Variants in SMC5 observed in about 807,000 individuals in gnomAD.
The protein encoded by SMC5 is structural maintenance of chromosomes 5.
A neutral mutation model predicts 148.3 loss-of-function variants in SMC5; 88 were observed. That is an observed-to-expected ratio of 0.59 (90% confidence interval 0.50 to 0.71). The LOEUF (loss-of-function observed/expected upper bound fraction) is 0.71. SMC5 is among the 30% of genes least tolerant of loss of function. The pLI, the probability that SMC5 is intolerant of heterozygous loss-of-function variation, is 0.00. For missense variants in SMC5, 1,142 were observed against 1,298.9 expected, an observed-to-expected ratio of 0.88 and a Z score of 1.86; for synonymous variants, 421 against 432.8, an observed-to-expected ratio of 0.97 and a Z score of 0.34.
chr9:70,333,599 C>T (rs1018045176), intron 17 of SMC5, among the ~76,000 whole-genome samples: 2 of 152,124 alleles, frequency 1.3e-5, no homozygotes, highest in African/African-American at 4.8e-5. Flanking sequence ...GGCATGGTGG[C>T]ACATGCCTGT....
intron 17 of SMC5, among the ~76,000 whole-genome samples, chr9:70,336,588 AGAGGAGAGCCT>A (rs1587708564): frequency 6.6e-6 from 1 of 152,366 alleles, no homozygotes; most frequent in East Asian, 1.9e-4. Flanking sequence ...ACTAGCTACC[AGAGGAGAGCCT>A]CATCAGGGCT....
rs776201497 is a variant in SMC5 at position 70,286,171 on chromosome 9, C to T, written c.982-29C>T. 7 of 1,033,048 alleles carry T rather than the reference C, an allele frequency of 6.8e-6. No individual in the cohort carries two copies. The East Asian group carries it at 8.5e-5, about 12-fold the overall frequency. The allele number at this position is 1,033,048 out of a possible 1,614,324, so 64.0% of individuals were successfully genotyped here. On this transcript the variant is annotated intron_variant, in intron 7 of 24. Coordinates refer to ENST00000361138, the MANE Select transcript of SMC5 (RefSeq NM_015110.4). ...CTTGCATGAGTTTTTAACTAGCTGTCCCCCCCTCTCCCCGGTTTAATTTTA... is the reference window on the plus strand; with the variant it reads ...CTTGCATGAGTTTTTAACTAGCTGTTCCCCCCTCTCCCCGGTTTAATTTTA...
At chr9:70,298,260 G>C (rs1205058757) in intron 9 of SMC5, 39 bp downstream of exon 9, 1 of 1,572,140 alleles carries the variant, frequency 6.4e-7, no homozygotes, top group South Asian at 1.2e-5. Context: ...TTTATAAAAT[G>C]TAGATACATC....
intron 11 of SMC5, chr9:70,312,051 G>A (rs932389505): frequency 1.4e-5 from 2 of 146,748 alleles, no homozygotes; most frequent in Non-Finnish European, 1.5e-5. Flanking sequence ...AACCTGGGAG[G>A]CGGAGGTTGC....
At chr9:70,307,784 G>A (rs1406054872) in intron 11 of SMC5, among the ~76,000 whole-genome samples, 4 of 152,092 alleles carry the variant, frequency 2.6e-5, no homozygotes, top group East Asian at 1.9e-4. Context: ...GATTACAGAC[G>A]TGAACCACCA....
At chr9:70,333,780 C>A (rs1291023126) in intron 17 of SMC5, among the ~76,000 whole-genome samples, 1 of 152,002 alleles carries the variant, frequency 6.6e-6, no homozygotes, top group Non-Finnish European at 1.5e-5. Flanking sequence ...AGACTTGTAT[C>A]CTGAAAACTA....
At chr9:70,343,221 G>A (rs1310005524) in intron 17 of SMC5, among the ~76,000 whole-genome samples, 1 of 151,268 alleles carries the variant, frequency 6.6e-6, no homozygotes, top group African/African-American at 2.4e-5. Context: ...AGGGAATAAT[G>A]TATGCGAAGC....
chr9:70,277,481 GAA>G lies in SMC5; in HGVS notation c.543+11_543+12del. On this transcript the variant is annotated intron_variant, in intron 4 of 24. Coordinates refer to ENST00000361138, the MANE Select transcript of SMC5 (RefSeq NM_015110.4). ...GCCAGTTTCTCCCTCAGGTATGAGA[GAA>G]ATAAATGTAAAGATGGGAAAATTTT... The G allele has an allele frequency of 6.4e-7, 1 of 1,568,358 alleles. No individual in the cohort carries two copies. The highest frequency in any genetic ancestry group is 8.6e-7 in the Non-Finnish European group (1 of 1,162,110).
At chr9:70,263,778 C>T (rs141158283) in intron 1 of SMC5, among the ~76,000 whole-genome samples, 195 of 152,212 alleles carry the variant, frequency 1.3e-3, no homozygotes, top group African/African-American at 4.4e-3. Context: ...TACCATGGTG[C>T]CTGGCTTGGA....
At chr9:70,349,849 A>G (rs1236410579) in intron 22 of SMC5, among the ~76,000 whole-genome samples, 2 of 152,348 alleles carry the variant, frequency 1.3e-5, no homozygotes, top group Middle Eastern at 3.4e-3. Flanking sequence ...ATAGAATGGT[A>G]TAGAGGAGGA....
In SMC5 at chr9:70,307,576, C is replaced by T. The variant is rs565318837; in HGVS notation, c.1578+2216C>T. 3.9e-5 allele frequency among the ~76,000 whole-genome samples: 6 copies of T among 152,082 alleles called. No individual in the cohort carries two copies. In the South Asian group the frequency reaches 1.2e-3, roughly 32 times the overall value. ...GGAGTGCAATGGCACGCTCTTGGCTCACTGCAACCTCCGCTTCCCAGGTTC... is the reference window on the plus strand; with the variant it reads ...GGAGTGCAATGGCACGCTCTTGGCTTACTGCAACCTCCGCTTCCCAGGTTC... On this transcript the variant is annotated intron_variant, in intron 11 of 24. Coordinates refer to ENST00000361138, the MANE Select transcript of SMC5 (RefSeq NM_015110.4).
In SMC5 at chr9:70,309,318, C is replaced by CTTTTTTTTTTT. The variant is rs59694037; in HGVS notation, c.1578+3979_1578+3989dup. On this transcript the variant is annotated intron_variant, in intron 11 of 24. Coordinates refer to ENST00000361138, the MANE Select transcript of SMC5 (RefSeq NM_015110.4). ...ATAGCAGAATTTCTTTTTCCTTTTC[C>CTTTTTTTTTTT]TTTTTTTTTTTTTTTTTTTTTTTTT... 4.8e-3 allele frequency among the ~76,000 whole-genome samples: 378 copies of CTTTTTTTTTTT among 79,136 alleles called. 26 individuals are homozygous for CTTTTTTTTTTT. The highest frequency in any genetic ancestry group is 6.3e-3 in the Non-Finnish European group (270 of 42,802). The allele number at this position is 79,136 out of a possible 152,430, so 51.9% of individuals were successfully genotyped here. A position where few individuals can be genotyped will look rare whatever the true frequency, so the allele number is the denominator to read the frequency against.
At chr9:70,322,702 G>A (rs749299103) in intron 15 of SMC5, among the ~76,000 whole-genome samples, 3 of 152,194 alleles carry the variant, frequency 2.0e-5, no homozygotes, top group East Asian at 1.9e-4. Context: ...CGGGCATGGC[G>A]GTGGGCGCCT....
chr9:70,340,620 G>A (rs1177478459), intron 17 of SMC5, among the ~76,000 whole-genome samples: 1 of 152,036 alleles, frequency 6.6e-6, no homozygotes, highest in African/African-American at 2.4e-5. Context: ...TAATGTTTTA[G>A]TAAAAGTTGA....
Position 70,282,511 on chromosome 9 carries a change from G to C in SMC5, c.909G>C (p.Gln303His), listed in dbSNP as rs1416685541. 4 of 1,609,016 alleles carry C rather than the reference G, an allele frequency of 2.5e-6. No individual in the cohort carries two copies. The highest frequency in any genetic ancestry group is 3.4e-6 in the Non-Finnish European group (4 of 1,178,294). The change falls in exon 7 of 25, where the codon CAG (glutamine) becomes CAC (histidine). Residue 303 changes from glutamine to histidine, a missense_variant. Gln to His is a conservative substitution (Grantham distance 24). This residue lies in a region of SMC5 where 743 missense variants were observed against 835.7 expected (regional missense o/e 0.89). Coordinates refer to ENST00000361138, the MANE Select transcript of SMC5 (RefSeq NM_015110.4). Reference protein sequence around the residue: ...KEEVRKLKEGQIPVTCRIEEM... With the variant: ...KEEVRKLKEGHIPVTCRIEEM... The stretch of plus-strand genomic sequence containing the variant: ...AGGTCAGAAAACTTAAAGAAGGGCA[G>C]ATTCCTGTAACATGTCGAATTGAAG...
rs2117880610 is a variant in SMC5, at chr9:70,259,030, T to G, written c.-49T>G. ...TGGATGGGCGCTTGGGCGCCTGGGC[T>G]GCCGGACGGTGGGAACGGAAGTCGC... On this transcript the variant is annotated 5_prime_UTR_variant, in exon 1 of 25. Transcript: ENST00000361138. 6.5e-7 allele frequency: 1 copy of G among 1,535,652 alleles called. No homozygotes were observed. Among genetic ancestry groups the G allele is most frequent in the East Asian group, 2.4e-5 (1 of 41,578 alleles).
At chr9:70,299,663 C>G (rs1451108811) in intron 9 of SMC5, among the ~76,000 whole-genome samples, 1 of 151,840 alleles carries the variant, frequency 6.6e-6, no homozygotes, top group African/African-American at 2.4e-5. Flanking sequence ...ATCATCCCCC[C>G]CCCTTTTTTA....
At chr9:70,260,105 C>T (rs769035059) in intron 1 of SMC5, among the ~76,000 whole-genome samples, 1 of 151,986 alleles carries the variant, frequency 6.6e-6, no homozygotes, top group African/African-American at 2.4e-5. Flanking sequence ...CCACCACGCC[C>T]GGCTAGTTTT....
intron 17 of SMC5, among the ~76,000 whole-genome samples, chr9:70,332,146 A>T (rs2036234111): frequency 6.6e-6 from 1 of 152,176 alleles, no homozygotes; most frequent in South Asian, 2.1e-4. Context: ...TTATTTAAAA[A>T]ATTTAATTTC....
Sources: gnomAD v4.1 joint callset for allele counts (sites outside exome capture counted in the v4.1 genomes callset) on GRCh38, gnomAD v4.1.1 for gene constraint, gnomAD v4.1.1 regional missense constraint, MANE v1.5 for transcripts, NCBI Gene and HGNC (gene_info 2026-07-23, HGNC 2026-07-21) for gene names.